The following NRG3 variants were observed in gnomAD, a reference collection of about 807,000 sequenced individuals.
NRG3 encodes neuregulin 3.
Under a neutral mutation model 66.9 loss-of-function variants are expected in NRG3, and 31 were observed. The ratio of observed to expected loss-of-function variants is 0.46; its 90% confidence interval spans 0.35 to 0.63. The LOEUF is 0.63. NRG3 is among the 20% of genes least tolerant of loss of function. The pLI, the probability that NRG3 is intolerant of heterozygous loss-of-function variation, is 0.00. For synonymous variants in NRG3, 393 were observed against 359.4 expected (o/e 1.09, Z -1.06); for missense variants, 910 against 878.9 (o/e 1.04, Z -0.45).
At chr10:82,913,982 T>C (rs181836331) in intron 4 of NRG3, among the ~76,000 whole-genome samples, 1 of 152,342 alleles carries the variant, frequency 6.6e-6, no homozygotes, top group East Asian at 1.9e-4. Context: ...TCTGTTCCAC[T>C]GTGTGTTTAT....
rs913501076 is a variant in NRG3 at position 82,120,918 on chromosome 10, TTTC to T, written c.824-237808_824-237806del. ...GCCTCCGTACCCATGTTTCTGCCTG[TTTC>T]TTCTTCTTCTTCCCTTTTTTTCATT... On this transcript the variant is annotated intron_variant, in intron 1 of 8. Transcript: ENST00000372141. Among the ~76,000 whole-genome samples the T allele has an allele frequency of 1.6e-4, 24 of 152,200 alleles. No homozygotes were observed. In the East Asian group the frequency reaches 2.1e-3, roughly 14 times the overall value.
chr10:82,935,928 A>G (rs926873358), intron 4 of NRG3, among the ~76,000 whole-genome samples: 8 of 152,208 alleles, frequency 5.3e-5, no homozygotes, highest in African/African-American at 1.9e-4. Context: ...TTCTATTTAC[A>G]TAAAGATCAA....
At chr10:82,556,998 C>G (rs1380117592) in intron 2 of NRG3, among the ~76,000 whole-genome samples, 1 of 152,176 alleles carries the variant, frequency 6.6e-6, no homozygotes, top group Non-Finnish European at 1.5e-5. Flanking sequence ...GCATAGTATT[C>G]CATGTTGTAC....
In NRG3 at chr10:81,882,055, A is replaced by G. The variant is rs190392102; in HGVS notation, c.823+5892A>G. 8.5e-5 allele frequency among the ~76,000 whole-genome samples: 13 copies of G among 152,346 alleles called. No individual in the cohort carries two copies. In the East Asian group the frequency reaches 2.3e-3, roughly 27 times the overall value. ...GAAACTACAATTATCTTTCATTTCC[A>G]TAATCATATATCACTGGTTTACATA... On this transcript the variant is annotated intron_variant, in intron 1 of 8. Coordinates refer to ENST00000372141, the MANE Select transcript of NRG3 (RefSeq NM_001010848.4).
At chr10:82,643,128 CAT>C (rs2050695966) in intron 2 of NRG3, among the ~76,000 whole-genome samples, 1 of 152,042 alleles carries the variant, frequency 6.6e-6, no homozygotes, top group Non-Finnish European at 1.5e-5. Flanking sequence ...TCTTTGAAGA[CAT>C]GTGATATGGT....
chr10:82,150,530 C>CAAAAAAAAAAAAAAAAAAAAAAAAAACAA, intron 1 of NRG3, among the ~76,000 whole-genome samples: 1 of 26,688 alleles, frequency 3.7e-5, no homozygotes, highest in Admixed American at 3.4e-4. Context: ...AGAGCACACA[C>CAAAAAAAAAAAAAAAAAAAAAAAAAACAA]AAAAAAAAAA....
chr10:81,881,618 G>A (rs1483469942), intron 1 of NRG3, among the ~76,000 whole-genome samples: 1 of 152,076 alleles, frequency 6.6e-6, no homozygotes, highest in East Asian at 1.9e-4. Flanking sequence ...GTATCTATCT[G>A]GGGGCATTGC....
intron 1 of NRG3, among the ~76,000 whole-genome samples, chr10:82,011,727 G>A (rs374287640): frequency 1.1e-4 from 16 of 152,220 alleles, no homozygotes; most frequent in South Asian, 1.0e-3. Context: ...GAAATCCAGC[G>A]GGGTAGTCAA....
At chr10:81,877,872 A>G in intron 1 of NRG3, 6 of 1,527,902 alleles carry the variant, frequency 3.9e-6, no homozygotes, top group Non-Finnish European at 5.2e-6. Context: ...TCATGAGTGT[A>G]TGTGTGAACA....
At chr10:82,128,808 CACTTTG>C (rs2068624583) in intron 1 of NRG3, among the ~76,000 whole-genome samples, 1 of 151,870 alleles carries the variant, frequency 6.6e-6, no homozygotes, top group Non-Finnish European at 1.5e-5. Flanking sequence ...TTAGCTTTTC[CACTTTG>C]AGTTTACAAT....
chr10:81,901,547 T>C (rs945362822), intron 1 of NRG3, among the ~76,000 whole-genome samples: 2 of 152,124 alleles, frequency 1.3e-5, no homozygotes, highest in Non-Finnish European at 2.9e-5. Flanking sequence ...CATGCTCCTA[T>C]AGTCCCTATT....
chr10:82,097,208 A>C (rs889233639), intron 1 of NRG3, among the ~76,000 whole-genome samples: 2 of 151,892 alleles, frequency 1.3e-5, no homozygotes, highest in African/African-American at 4.8e-5. Flanking sequence ...CTTGAGTCTG[A>C]ATTCTTTCAC....
rs555933464 is a variant in NRG3, at chr10:82,441,050, G to C, written c.953+82182G>C. Among the ~76,000 whole-genome samples, 89 of 152,256 alleles carry C rather than the reference G, an allele frequency of 5.8e-4. No individual in the cohort carries two copies. In the South Asian group the frequency reaches 0.018, roughly 31 times the overall value. On this transcript the variant is annotated intron_variant, in intron 2 of 8. Transcript: ENST00000372141. ...ATCCCCTTGGATTTAGAAATTTGTGGAATTTCCTTTGGCATTGCAGATTAG... is the reference window on the plus strand; with the variant it reads ...ATCCCCTTGGATTTAGAAATTTGTGCAATTTCCTTTGGCATTGCAGATTAG...
chr10:82,193,905 A>G (rs1389858955), intron 1 of NRG3, among the ~76,000 whole-genome samples: 3 of 152,162 alleles, frequency 2.0e-5, no homozygotes, highest in Non-Finnish European at 4.4e-5. Context: ...AGGGTGAGAT[A>G]AACATCAGGA....
intron 3 of NRG3, among the ~76,000 whole-genome samples, chr10:82,806,159 C>G (rs1043994974): frequency 6.6e-6 from 1 of 152,150 alleles, no homozygotes; most frequent in Admixed American, 6.5e-5. Context: ...GCAAGTGACA[C>G]CTCAGGGAAA....
intron 8 of NRG3, among the ~76,000 whole-genome samples, chr10:82,982,476 C>G (rs2132680561): frequency 6.6e-6 from 1 of 152,236 alleles, no homozygotes; most frequent in South Asian, 2.1e-4. Context: ...ACTTTGAATC[C>G]TCTGACTCAG....
intron 1 of NRG3, among the ~76,000 whole-genome samples, chr10:82,210,119 C>T (rs918892302): frequency 9.9e-5 from 15 of 152,072 alleles, no homozygotes; most frequent in African/African-American, 2.9e-4. Context: ...ATTGCTATAA[C>T]ATATCAAAAT....
At chr10:82,799,344 G>C (rs1035013497) in intron 3 of NRG3, among the ~76,000 whole-genome samples, 1 of 151,914 alleles carries the variant, frequency 6.6e-6, no homozygotes, top group Admixed American at 6.6e-5. Context: ...TGGCCAATGC[G>C]GTGAAACCCC....
At chr10:82,704,566 A>G (rs2056147157) in intron 2 of NRG3, among the ~76,000 whole-genome samples, 1 of 152,150 alleles carries the variant, frequency 6.6e-6, no homozygotes, top group African/African-American at 2.4e-5. Flanking sequence ...TTATTATTCC[A>G]ATCCATGAGA....
Sources: gnomAD v4.1 joint callset for allele counts (sites outside exome capture counted in the v4.1 genomes callset) on GRCh38, gnomAD v4.1.1 for gene constraint, MANE v1.5 for transcripts, NCBI Gene and HGNC (gene_info 2026-07-23, HGNC 2026-07-21) for gene names.